NIPBL: variants seen among roughly 807,000 people sequenced by gnomAD.
The protein encoded by NIPBL is nipped-B-like protein.
In NIPBL, 19 loss-of-function variants were observed where a neutral mutation model predicts 321.8. The observed-to-expected ratio is 0.06, with a 90% CI of 0.04 to 0.09. The LOEUF (loss-of-function observed/expected upper bound fraction) is 0.09, where lower values mean the gene tolerates loss of function less well. Among genes scored for constraint, NIPBL ranks in the 10% least tolerant of loss-of-function variants. The probability of loss-of-function intolerance (pLI) is 1.00; values close to 1 mark genes in which losing one functional copy is unlikely to be tolerated. For missense variants in NIPBL, 2,210 were observed against 3,327.0 expected, an observed-to-expected ratio of 0.66 and a Z score of 8.26; for synonymous variants, 1,106 against 1,114.1, an observed-to-expected ratio of 0.99 and a Z score of 0.14.
At chr5:36,999,822 C>T (rs1746577879) in intron 11 of NIPBL, among the ~76,000 whole-genome samples, 5 of 152,166 alleles carry the variant, frequency 3.3e-5, no homozygotes, top group Admixed American at 2.6e-4. Context: ...TCTCAGTAGG[C>T]TTGTCATGTT....
At chr5:36,896,002 G>A (rs1186443081) in intron 1 of NIPBL, among the ~76,000 whole-genome samples, 2 of 152,166 alleles carry the variant, frequency 1.3e-5, no homozygotes, top group Non-Finnish European at 2.9e-5. Context: ...TGCTTTGGGT[G>A]TCATAAGAAA....
At chr5:37,047,576 T>C (rs1054066130) in intron 38 of NIPBL, among the ~76,000 whole-genome samples, 9 of 152,234 alleles carry the variant, frequency 5.9e-5, no homozygotes, top group Non-Finnish European at 1.2e-4. Context: ...AGTCTGGACA[T>C]AATTTATACG....
chr5:36,920,860 T>C (rs973095364), intron 1 of NIPBL, among the ~76,000 whole-genome samples: 2 of 151,198 alleles, frequency 1.3e-5, no homozygotes, highest in Non-Finnish European at 2.9e-5. Flanking sequence ...CTGGACCTAC[T>C]CTCTCATTCT....
At chr5:36,925,173 T>A (rs1749256233) in intron 1 of NIPBL, among the ~76,000 whole-genome samples, 1 of 152,186 alleles carries the variant, frequency 6.6e-6, no homozygotes, top group Non-Finnish European at 1.5e-5. Context: ...ATTAATAGCA[T>A]TGATAGTAAT....
At chr5:36,896,439 T>C (rs914537198) in intron 1 of NIPBL, among the ~76,000 whole-genome samples, 1 of 152,174 alleles carries the variant, frequency 6.6e-6, no homozygotes, top group African/African-American at 2.4e-5. Flanking sequence ...GTTTAGGATG[T>C]TTGTCATTTT....
In NIPBL at chr5:37,053,086, A is replaced by G. The variant is rs186377136; in HGVS notation, c.7263+520A>G. Among the ~76,000 whole-genome samples the G allele has an allele frequency of 2.6e-3, 402 of 152,296 alleles. 3 individuals carry two copies. Among genetic ancestry groups the G allele is most frequent in the Middle Eastern group, 6.8e-3 (2 of 294 alleles). On this transcript the variant is annotated intron_variant, in intron 42 of 46. Coordinates refer to ENST00000282516, the MANE Select transcript of NIPBL (RefSeq NM_133433.4). ...CCATGGATAGTACTAATTATTATAT[A>G]TACAGTCATGCATCACTTAATGACA...
Position 37,029,820 on chromosome 5 carries a change from A to G in NIPBL, c.5862+2408A>G, listed in dbSNP as rs1336252165. Among the ~76,000 whole-genome samples, 5 of 152,124 alleles carry G rather than the reference A, an allele frequency of 3.3e-5. 1 individual carries two copies. The highest frequency in any genetic ancestry group is 4.1e-4 in the South Asian group (2 of 4,830). Reference sequence around the variant, plus strand: ...TTAAAAAACCTTCATGGTGTTTTCAATGTGTAATCTTAGACTGTCTTCTTA... The same window carrying G: ...TTAAAAAACCTTCATGGTGTTTTCAGTGTGTAATCTTAGACTGTCTTCTTA... On this transcript the variant is annotated intron_variant, in intron 32 of 46. Transcript: ENST00000282516.
intron 9 of NIPBL, 144 bp downstream of exon 9, chr5:36,976,546 T>C: frequency 1.3e-6 from 1 of 751,016 alleles, no homozygotes; most frequent in Non-Finnish European, 2.1e-6. Flanking sequence ...CTAATACTCA[T>C]AATGCAGAAG....
At chr5:36,917,920 A>G (rs1268234571) in intron 1 of NIPBL, among the ~76,000 whole-genome samples, 1 of 152,148 alleles carries the variant, frequency 6.6e-6, no homozygotes, top group African/African-American at 2.4e-5. Context: ...TGTTTGGGTT[A>G]CTGTAGCCTT....
At chr5:36,910,555 A>G (rs1319234067) in intron 1 of NIPBL, among the ~76,000 whole-genome samples, 2 of 152,126 alleles carry the variant, frequency 1.3e-5, no homozygotes, top group East Asian at 3.9e-4. Context: ...TCATACCTAG[A>G]TTATTATAGT....
rs751336577 is a variant in NIPBL at position 37,057,548 on chromosome 5, G to T, written c.7410+216G>T. Reference sequence around the variant, plus strand: ...AACATCTAAAATAGATATATGGATTGTTCTGTTGATAAGCCATCACATTTA... The same window carrying T: ...AACATCTAAAATAGATATATGGATTTTTCTGTTGATAAGCCATCACATTTA... On this transcript the variant is annotated intron_variant, in intron 43 of 46. Transcript: ENST00000282516. 9.8e-5 allele frequency among the ~76,000 whole-genome samples: 15 copies of T among 152,294 alleles called. 1 individual carries two copies. In the South Asian group the frequency reaches 2.9e-3, roughly 29 times the overall value.
At chr5:36,891,747 T>A (rs1311838398) in intron 1 of NIPBL, among the ~76,000 whole-genome samples, 2 of 152,128 alleles carry the variant, frequency 1.3e-5, no homozygotes, top group Admixed American at 1.3e-4. Flanking sequence ...TATGCATATG[T>A]AAAAAAATTT....
At chr5:37,006,698 A>G (rs1192204297) in intron 17 of NIPBL, 110 bp downstream of exon 17, 2 of 660,872 alleles carry the variant, frequency 3.0e-6, no homozygotes, top group East Asian at 5.4e-5. Flanking sequence ...TGTAATAAAC[A>G]CTGATTTTGA....
chr5:36,915,695 A>G (rs868485873), intron 1 of NIPBL, among the ~76,000 whole-genome samples: 3 of 152,170 alleles, frequency 2.0e-5, no homozygotes, highest in East Asian at 1.9e-4. Flanking sequence ...CTTTTGTTCA[A>G]TTATAATCAA....
Position 37,008,076 on chromosome 5 carries a change from G to A in NIPBL, c.4308G>A (p.Lys1436=). The change falls in exon 19 of 47, where the codon AAG becomes AAA. Residue 1436 remains lysine, a synonymous_variant. Transcript: ENST00000282516. The stretch of plus-strand genomic sequence containing the variant: ...GTGAACTACAGTTGTGTGCCATTAA[G>A]TTAGTCACTGCAGTAAGTATAATCA... ...NVSELQLCAI[K]LVTAVFSRYE... 6.3e-7 allele frequency: 1 copy of A among 1,599,936 alleles called. No individual in the cohort carries two copies. Among genetic ancestry groups the A allele is most frequent in the South Asian group, 1.1e-5 (1 of 90,776 alleles).
At position 36,976,415 on chromosome 5, in the gene NIPBL, C is replaced by G. The variant is rs769154623; in HGVS notation, c.1495+13C>G. 1.9e-5 allele frequency: 31 copies of G among 1,600,866 alleles called. No homozygotes were observed. Among genetic ancestry groups the G allele is most frequent in the Non-Finnish European group, 2.6e-5 (31 of 1,179,276 alleles). ...GTTCAAGATAAAGGTAAAATAATCT[C>G]ATTATTACCACTTCATCATCTGGGC... On this transcript the variant is annotated intron_variant, in intron 9 of 46. Transcript: ENST00000282516.
chr5:36,909,073 T>A (rs574458652), intron 1 of NIPBL, among the ~76,000 whole-genome samples: 3 of 152,256 alleles, frequency 2.0e-5, no homozygotes, highest in African/African-American at 7.2e-5. Flanking sequence ...CAGCCATATG[T>A]TGGGTGAGAG....
intron 29 of NIPBL, among the ~76,000 whole-genome samples, chr5:37,023,870 T>C (rs1469893094): frequency 1.3e-5 from 2 of 151,452 alleles, no homozygotes; most frequent in Non-Finnish European, 2.9e-5. Context: ...GTATCTCTTA[T>C]AAACCATAAG....
At chr5:36,963,377 G>A (rs1028497195) in intron 6 of NIPBL, among the ~76,000 whole-genome samples, 8 of 152,148 alleles carry the variant, frequency 5.3e-5, no homozygotes, top group Admixed American at 2.6e-4. Flanking sequence ...ACTTATTAAT[G>A]TATAAACTTT....
Sources: gnomAD v4.1 joint callset for allele counts (sites outside exome capture counted in the v4.1 genomes callset) on GRCh38, gnomAD v4.1.1 for gene constraint, MANE v1.5 for transcripts, NCBI Gene and HGNC (gene_info 2026-07-23, HGNC 2026-07-21) for gene names.